The following C2orf49 variants were observed in gnomAD, a reference collection of about 807,000 sequenced individuals.
C2orf49 encodes tRNA splicing ligase complex subunit 2.
In C2orf49, 11 loss-of-function variants were observed where a neutral mutation model predicts 20.6. That is an observed-to-expected ratio of 0.53 (90% CI 0.34 to 0.88). The LOEUF (loss-of-function observed/expected upper bound fraction) is 0.88. C2orf49 is among the 40% of genes least tolerant of loss of function. The pLI, the probability that C2orf49 is intolerant of heterozygous loss-of-function variation, is 0.02. For synonymous variants in C2orf49, 134 were observed against 108.5 expected (o/e 1.24, Z -1.46); for missense variants, 289 against 274.2 (o/e 1.05, Z -0.38).
At chr2:105,361,115 C>T in the C2orf49 span, 101 of 614,572 alleles carry the variant, frequency 1.6e-4, 1 homozygote, top group Non-Finnish European at 3.2e-5. Flanking sequence ...TGGGACTGAA[C>T]TATCACAAAG....
At chr2:105,343,427 T>C (rs995570645) in intron 3 of C2orf49, among the ~76,000 whole-genome samples, 1 of 152,252 alleles carries the variant, frequency 6.6e-6, no homozygotes, top group Non-Finnish European at 1.5e-5. Flanking sequence ...TTTTTAAAAG[T>C]TCACTCAAGT....
downstream of C2orf49, among the ~76,000 whole-genome samples, chr2:105,353,052 G>A (rs1026579232): frequency 5.9e-5 from 9 of 152,158 alleles, no homozygotes; most frequent in African/African-American, 1.9e-4. Flanking sequence ...GGCACCTGGT[G>A]AGGGTTATCC....
At chr2:105,358,774 A>C in the C2orf49 span, 1 of 152,208 alleles carries the variant, frequency 6.6e-6, no homozygotes, top group Non-Finnish European at 1.5e-5. Flanking sequence ...CCTGTCAGTC[A>C]ATGCTTTTAG....
chr2:105,377,844 TC>T, the C2orf49 span: 4 of 352,124 alleles, frequency 1.1e-5, no homozygotes, highest in South Asian at 4.4e-5. Flanking sequence ...GGGGAGGAGA[TC>T]CTTGGCCTCT....
chr2:105,341,334 A>G (rs969744776), intron 2 of C2orf49, among the ~76,000 whole-genome samples: 1 of 152,158 alleles, frequency 6.6e-6, no homozygotes, highest in African/African-American at 2.4e-5. Context: ...CTTTGACTCT[A>G]TTTTTTAAAT....
rs1031368982 is a variant in C2orf49, at chr2:105,347,883, G to T, written c.*2512G>T. The T allele has an allele frequency of 6.6e-6, 1 of 152,174 alleles. No individual in the cohort carries two copies. The highest frequency in any genetic ancestry group is 1.5e-5 in the Non-Finnish European group (1 of 68,036). The allele number at this position is 152,174 out of a possible 1,614,324, so 9.4% of individuals were successfully genotyped here. On this transcript the variant is annotated 3_prime_UTR_variant, in exon 4 of 4. Coordinates refer to ENST00000258457, the MANE Select transcript of C2orf49 (RefSeq NM_024093.3). ...ATGTTGCTCTAGATTCTATATTCCA[G>T]TAAAGCCAGCTTTTCTTATTATTGG...
intron 2 of C2orf49, among the ~76,000 whole-genome samples, chr2:105,342,217 G>A (rs958561711): frequency 2.0e-5 from 3 of 152,204 alleles, no homozygotes; most frequent in African/African-American, 7.2e-5. Context: ...AGGTGATATA[G>A]ATATTATCTG....
chr2:105,375,086 C>G, the C2orf49 span, among the ~76,000 whole-genome samples: 1 of 152,134 alleles, frequency 6.6e-6, no homozygotes, highest in Non-Finnish European at 1.5e-5. Context: ...AAAACACCAG[C>G]TAACTCGGAA....
chr2:105,381,297 C>A, the C2orf49 span, among the ~76,000 whole-genome samples: 3 of 152,132 alleles, frequency 2.0e-5, no homozygotes, highest in African/African-American at 7.2e-5. Context: ...GAAAAATGGA[C>A]AACAGCAGAA....
At chr2:105,344,454 T>TAG (rs1374934489) in intron 3 of C2orf49, among the ~76,000 whole-genome samples, 8 of 151,854 alleles carry the variant, frequency 5.3e-5, no homozygotes, top group South Asian at 4.2e-4. Flanking sequence ...TATATATATA[T>TAG]ATAGAGAGAG....
the C2orf49 span, among the ~76,000 whole-genome samples, chr2:105,361,892 C>T: frequency 3.3e-5 from 5 of 152,042 alleles, no homozygotes; most frequent in East Asian, 5.8e-4. Context: ...AGATAAAGTG[C>T]GATGTGGGTG....
At chr2:105,355,567 T>C in the C2orf49 span, among the ~76,000 whole-genome samples, 1 of 152,088 alleles carries the variant, frequency 6.6e-6, no homozygotes, top group Non-Finnish European at 1.5e-5. Flanking sequence ...GTTTCACATA[T>C]TGTAATAATC....
chr2:105,345,286 A>G, intron 3 of C2orf49, 29 bp from the exon 4 acceptor site: 9 of 1,595,384 alleles, frequency 5.6e-6, no homozygotes, highest in Non-Finnish European at 7.7e-6. Flanking sequence ...TTCTGCAAGT[A>G]TAAACTGATT....
chr2:105,352,429 G>GTTTTTTTTTTTTTTTTTTTTT (rs61585149), downstream of C2orf49, among the ~76,000 whole-genome samples: 4 of 80,758 alleles, frequency 5.0e-5, no homozygotes, highest in African/African-American at 1.0e-4. Flanking sequence ...GTTTGTTTGG[G>GTTTTTTTTTTTTTTTTTTTTT]TTTTTTTTTT....
At chr2:105,343,376 G>A (rs185272716) in intron 3 of C2orf49, among the ~76,000 whole-genome samples, 153 bp downstream of exon 3, 1 of 152,152 alleles carries the variant, frequency 6.6e-6, no homozygotes, top group Non-Finnish European at 1.5e-5. Context: ...TATTACTCCA[G>A]TACTTGAATC....
In C2orf49 at chr2:105,343,198, C is replaced by CT; in HGVS notation, c.618dup (p.Pro207SerfsTer2). The CT allele has an allele frequency of 6.2e-7, 1 of 1,602,248 alleles. No individual in the cohort carries two copies. Among genetic ancestry groups the CT allele is most frequent in the Non-Finnish European group, 8.5e-7 (1 of 1,175,288 alleles). ...ACTCCAGTGAAGTTAAAGAGAGCTG[C>CT]TCCTAAAGAAGAGGCAGAGGCCATG... On this transcript the variant is annotated frameshift_variant, in exon 3 of 4. Coordinates refer to ENST00000258457, the MANE Select transcript of C2orf49 (RefSeq NM_024093.3). LOFTEE classifies it high-confidence loss of function.
chr2:105,349,988 C>T (rs57478289), downstream of C2orf49, among the ~76,000 whole-genome samples: 1,090 of 152,304 alleles, frequency 7.2e-3, 14 homozygotes, highest in African/African-American at 0.025. Flanking sequence ...TACACTTGGA[C>T]TTCTGCTTGC....
intron 1 of C2orf49, among the ~76,000 whole-genome samples, chr2:105,338,685 A>G (rs2104443295): frequency 6.6e-6 from 1 of 152,210 alleles, no homozygotes; most frequent in East Asian, 1.9e-4. Context: ...CTGAGCGAGT[A>G]CGGGCTAAAA....
At chr2:105,343,455 C>T (rs758565825) in intron 3 of C2orf49, among the ~76,000 whole-genome samples, 1 of 152,166 alleles carries the variant, frequency 6.6e-6, no homozygotes, top group Non-Finnish European at 1.5e-5. Flanking sequence ...GCTTAAAATA[C>T]GTAGAGAGAG....
Sources: gnomAD v4.1 joint callset for allele counts (sites outside exome capture counted in the v4.1 genomes callset) on GRCh38, gnomAD v4.1.1 for gene constraint, MANE v1.5 for transcripts, NCBI Gene and HGNC (gene_info 2026-07-23, HGNC 2026-07-21) for gene names.